NAALADL2: variants seen among roughly 807,000 people sequenced by gnomAD.
NAALADL2 encodes N-acetylated alpha-linked acidic dipeptidase like 2, also known as inactive N-acetylated-alpha-linked acidic dipeptidase-like protein 2.
NAALADL2 carries 76 observed loss-of-function variants against 87.2 expected under a neutral mutation model. The ratio of observed to expected loss-of-function variants is 0.87; its 90% CI spans 0.72 to 1.05. The LOEUF (loss-of-function observed/expected upper bound fraction) is 1.05. Among genes scored for constraint, NAALADL2 ranks in the 50% least tolerant of loss-of-function variants. The pLI is 0.00. For synonymous variants in NAALADL2, 354 were observed against 331.0 expected (o/e 1.07, Z -0.75); for missense variants, 1,089 against 945.8 (o/e 1.15, Z -1.99).
chr3:175,142,586 C>T (rs1339632975), intron 2 of NAALADL2, among the ~76,000 whole-genome samples: 3 of 151,438 alleles, frequency 2.0e-5, no homozygotes, highest in African/African-American at 7.3e-5. Context: ...ATCCTATTCC[C>T]AACCGTCCTC....
intron 11 of NAALADL2, chr3:175,675,700 T>C (rs1004218070): frequency 2.6e-5 from 4 of 152,168 alleles, no homozygotes; most frequent in Non-Finnish European, 4.4e-5. Context: ...ATGTTTGAAT[T>C]AATTTTGAAC....
At chr3:175,343,378 G>A (rs912977560) in intron 5 of NAALADL2, among the ~76,000 whole-genome samples, 7 of 151,882 alleles carry the variant, frequency 4.6e-5, no homozygotes, top group African/African-American at 1.7e-4. Context: ...GCATTTCCTT[G>A]TTATTTTTCT....
chr3:175,317,165 G>A (rs1759255483), intron 4 of NAALADL2, among the ~76,000 whole-genome samples: 1 of 152,060 alleles, frequency 6.6e-6, no homozygotes, highest in South Asian at 2.1e-4. Context: ...TATAAAAGGG[G>A]TCACAACATG....
chr3:174,584,438 A>G (rs1175859751), intron 2 of NAALADL2, among the ~76,000 whole-genome samples: 1 of 152,164 alleles, frequency 6.6e-6, no homozygotes, highest in East Asian at 1.9e-4. Flanking sequence ...AGTTTTTAGT[A>G]CATCAGATTT....
chr3:175,617,232 G>T (rs888792546), intron 10 of NAALADL2, among the ~76,000 whole-genome samples: 3 of 152,126 alleles, frequency 2.0e-5, no homozygotes, highest in Admixed American at 6.5e-5. Flanking sequence ...GAACAGAAAT[G>T]GTTACTCTGG....
intron 2 of NAALADL2, among the ~76,000 whole-genome samples, chr3:174,558,779 G>A (rs1713189678): frequency 6.6e-6 from 1 of 152,110 alleles, no homozygotes; most frequent in African/African-American, 2.4e-5. Flanking sequence ...GAGGGTTGGG[G>A]ATTTCTGCTA....
intron 4 of NAALADL2, among the ~76,000 whole-genome samples, chr3:175,306,721 C>T (rs538526747): frequency 4.1e-4 from 62 of 152,250 alleles, no homozygotes; most frequent in Middle Eastern, 3.4e-3. Context: ...TGGTGCATGC[C>T]TGTAGTCCTA....
At chr3:175,249,109 A>G (rs1748537359) in intron 3 of NAALADL2, among the ~76,000 whole-genome samples, 1 of 151,974 alleles carries the variant, frequency 6.6e-6, no homozygotes, top group South Asian at 2.1e-4. Flanking sequence ...ACTCTTGTTT[A>G]TTTTTTGTGT....
intron 2 of NAALADL2, among the ~76,000 whole-genome samples, chr3:174,731,976 A>G (rs2108985132): frequency 6.6e-6 from 1 of 152,272 alleles, no homozygotes; most frequent in African/African-American, 2.4e-5. Flanking sequence ...GAAAGCCACC[A>G]TAAACAATAC....
chr3:175,617,269 C>T (rs191814556), intron 10 of NAALADL2, among the ~76,000 whole-genome samples: 2 of 152,292 alleles, frequency 1.3e-5, no homozygotes, highest in East Asian at 3.9e-4. Context: ...TTCCTTCGAC[C>T]TCCAGAATCA....
At chr3:174,862,529 T>C (rs1396057060) in intron 1 of NAALADL2, among the ~76,000 whole-genome samples, 1 of 152,084 alleles carries the variant, frequency 6.6e-6, no homozygotes, top group African/African-American at 2.4e-5. Flanking sequence ...AAAGAATCTA[T>C]CAGCATCCAG....
At chr3:174,617,470 T>C (rs566096234) in intron 2 of NAALADL2, among the ~76,000 whole-genome samples, 1 of 151,808 alleles carries the variant, frequency 6.6e-6, no homozygotes, top group African/African-American at 2.4e-5. Context: ...AGAAAGTATA[T>C]GGTAGTAAAA....
chr3:174,804,864 A>G (rs920496324), intron 3 of NAALADL2, among the ~76,000 whole-genome samples: 1 of 152,182 alleles, frequency 6.6e-6, no homozygotes, highest in African/African-American at 2.4e-5. Flanking sequence ...TATTAGTAAA[A>G]TTAAACAAGA....
chr3:174,900,059 A>G lies in NAALADL2; in HGVS notation c.43+40609A>G, dbSNP rs187392185. On this transcript the variant is annotated intron_variant, in intron 1 of 13. Coordinates refer to ENST00000454872, the MANE Select transcript of NAALADL2 (RefSeq NM_207015.3). The stretch of plus-strand genomic sequence containing the variant: ...TTTGGCAAAACAAAAATAAAACAAA[A>G]CACAAATATTAAAGAAAGAACTAAG... Among the ~76,000 whole-genome samples the G allele has an allele frequency of 3.9e-5, 6 of 152,250 alleles. No individual in the cohort carries two copies. In the East Asian group the frequency reaches 7.7e-4, roughly 20 times the overall value.
intron 8 of NAALADL2, among the ~76,000 whole-genome samples, chr3:175,469,097 A>G (rs1389605516): frequency 6.6e-6 from 1 of 152,074 alleles, no homozygotes; most frequent in Non-Finnish European, 1.5e-5. Context: ...AAGTGATTAT[A>G]CATTCATTTA....
At chr3:175,777,313 G>A (rs529603369) in intron 13 of NAALADL2, among the ~76,000 whole-genome samples, 1 of 151,894 alleles carries the variant, frequency 6.6e-6, no homozygotes, top group South Asian at 2.1e-4. Context: ...TACTACTCAA[G>A]GGCTATGTGA....
intron 11 of NAALADL2, among the ~76,000 whole-genome samples, chr3:175,687,324 G>T (rs552038855): frequency 6.6e-6 from 1 of 152,196 alleles, no homozygotes; most frequent in Admixed American, 6.5e-5. Context: ...AAAGTATTTT[G>T]AACAATACCA....
chr3:175,706,974 A>G (rs925439367), intron 11 of NAALADL2, among the ~76,000 whole-genome samples: 1 of 152,136 alleles, frequency 6.6e-6, no homozygotes, highest in Non-Finnish European at 1.5e-5. Context: ...GACTATATGT[A>G]TATAATGGAT....
chr3:174,868,391 G>T (rs917212565), intron 1 of NAALADL2, among the ~76,000 whole-genome samples: 9 of 152,056 alleles, frequency 5.9e-5, no homozygotes, highest in African/African-American at 2.2e-4. Flanking sequence ...CTGGGTAATT[G>T]TGAAAATTAA....
Sources: allele counts gnomAD v4.1 joint callset (sites outside exome capture counted in the v4.1 genomes callset), GRCh38; gene constraint gnomAD v4.1.1; transcripts MANE v1.5; gene names NCBI Gene and HGNC (gene_info 2026-07-23, HGNC 2026-07-21).